Variants in BTRC observed in about 807,000 individuals in gnomAD.
BTRC encodes the protein beta-transducin repeat containing E3 ubiquitin protein ligase, also known as F-box/WD repeat-containing protein 1A.
In BTRC, 42 loss-of-function variants were observed where a neutral mutation model predicts 85.5. The observed-to-expected ratio is 0.49, with a 90% CI of 0.38 to 0.64. The LOEUF is 0.64. BTRC is among the 30% of genes least tolerant of loss of function. The pLI, the probability that BTRC is intolerant of heterozygous loss-of-function variation, is 0.00. For synonymous variants in BTRC, 255 were observed against 263.3 expected (o/e 0.97, Z 0.30); for missense variants, 594 against 743.5 (o/e 0.80, Z 2.34).
At chr10:101,448,329 A>C (rs1213815693) in intron 2 of BTRC, among the ~76,000 whole-genome samples, 1 of 152,140 alleles carries the variant, frequency 6.6e-6, no homozygotes, top group Non-Finnish European at 1.5e-5. Context: ...AACAACAACA[A>C]AAACTCAACA....
intron 5 of BTRC, among the ~76,000 whole-genome samples, chr10:101,524,215 A>T (rs749068098): frequency 6.6e-6 from 1 of 152,222 alleles, no homozygotes; most frequent in African/African-American, 2.4e-5. Flanking sequence ...TTTGTTAAAC[A>T]GAATAGATTT....
intron 13 of BTRC, among the ~76,000 whole-genome samples, chr10:101,549,713 C>CAAAGAAAAAAAA (rs2062618247): frequency 2.3e-5 from 1 of 42,770 alleles, no homozygotes; most frequent in Admixed American, 3.8e-4. Context: ...GACTCTGTCT[C>CAAAGAAAAAAAA]AAAAAAAAAA....
chr10:101,450,951 A>G (rs1944941994), intron 2 of BTRC, among the ~76,000 whole-genome samples: 1 of 152,110 alleles, frequency 6.6e-6, no homozygotes, highest in Non-Finnish European at 1.5e-5. Context: ...TTAATTATGA[A>G]CTTTCATTTT....
chr10:101,400,716 C>T (rs1042269204), intron 1 of BTRC, among the ~76,000 whole-genome samples: 1 of 152,202 alleles, frequency 6.6e-6, no homozygotes, highest in Non-Finnish European at 1.5e-5. Flanking sequence ...TGATACCAGC[C>T]TCTGTTGAGT....
intron 2 of BTRC, among the ~76,000 whole-genome samples, 156 bp downstream of exon 2, chr10:101,430,608 G>C (rs142299752): frequency 3.7e-4 from 56 of 152,164 alleles, no homozygotes; most frequent in African/African-American, 1.3e-3. Flanking sequence ...TTAATGATTA[G>C]TTTATAATGT....
intron 2 of BTRC, among the ~76,000 whole-genome samples, chr10:101,447,268 G>A (rs1023240892): frequency 2.6e-5 from 4 of 152,172 alleles, no homozygotes; most frequent in Non-Finnish European, 5.9e-5. Context: ...CCACAAGTCA[G>A]TGCTCTCAGA....
Position 101,489,430 on chromosome 10 carries a change from G to T in BTRC, c.324+9973G>T, listed in dbSNP as rs1192796589. Among the ~76,000 whole-genome samples, 3 of 152,000 alleles carry T rather than the reference G, an allele frequency of 2.0e-5. No homozygotes were observed. The East Asian group carries it at 5.8e-4, about 29-fold the overall frequency. On this transcript the variant is annotated intron_variant, in intron 4 of 14. Coordinates refer to ENST00000370187, the MANE Select transcript of BTRC (RefSeq NM_033637.4). ...CTTAATACTTGTATGGATTTTTGTG[G>T]CTTTTTATGGGTGTAAATATTCTCC... is the stretch of plus-strand genomic sequence containing the variant.
At chr10:101,436,625 A>G (rs949413854) in intron 2 of BTRC, among the ~76,000 whole-genome samples, 7 of 147,084 alleles carry the variant, frequency 4.8e-5, no homozygotes, top group South Asian at 2.2e-4. Flanking sequence ...AATTAAAAAA[A>G]ATAGATAGAT....
chr10:101,545,156 C>G (rs1419872117), intron 13 of BTRC, among the ~76,000 whole-genome samples: 1 of 152,012 alleles, frequency 6.6e-6, no homozygotes. Context: ...TTGGAAGTCA[C>G]TCATCTCCAT....
intron 1 of BTRC, 44 bp from the exon 2 acceptor site, chr10:101,430,301 C>G (rs1208135158): frequency 7.3e-7 from 1 of 1,376,442 alleles, no homozygotes; most frequent in Admixed American, 1.8e-5. Context: ...TCTGTGCCAT[C>G]CTGTCTCATA....
intron 1 of BTRC, among the ~76,000 whole-genome samples, chr10:101,387,890 A>G (rs953013382): frequency 2.0e-5 from 3 of 151,910 alleles, no homozygotes; most frequent in African/African-American, 7.3e-5. Flanking sequence ...GGGCTTTGCC[A>G]TGTTGGTCAG....
At chr10:101,414,112 A>G (rs952343701) in intron 1 of BTRC, among the ~76,000 whole-genome samples, 1 of 152,160 alleles carries the variant, frequency 6.6e-6, no homozygotes, top group African/African-American at 2.4e-5. Context: ...ATACTCATTA[A>G]ATAACAACTC....
chr10:101,492,706 G>A (rs902087749), intron 4 of BTRC, among the ~76,000 whole-genome samples: 1 of 152,156 alleles, frequency 6.6e-6, no homozygotes, highest in Non-Finnish European at 1.5e-5. Context: ...TTTCTGAAAT[G>A]TATTGAATTC....
chr10:101,536,865 C>T (rs2062395024), intron 12 of BTRC, among the ~76,000 whole-genome samples: 1 of 152,128 alleles, frequency 6.6e-6, no homozygotes, highest in South Asian at 2.1e-4. Flanking sequence ...TACTTGTTTG[C>T]ACATGGTTGT....
rs1331387470 is a variant in BTRC, at chr10:101,419,014, C to CT, written c.49-11317dup. 3.3e-3 allele frequency among the ~76,000 whole-genome samples: 468 copies of CT among 142,812 alleles called. 2 individuals carry two copies. Among genetic ancestry groups the CT allele is most frequent in the East Asian group, 0.021 (102 of 4,942 alleles). The allele number at this position is 142,812 out of a possible 152,430, so 93.7% of individuals were successfully genotyped here. ...CACAGTTTCTTTTCTTTCTTTCTTT[C>CT]TTTTTTTTTTTTTTGATACAGAGTC... is the stretch of plus-strand genomic sequence containing the variant. On this transcript the variant is annotated intron_variant, in intron 1 of 14. Transcript: ENST00000370187.
intron 4 of BTRC, among the ~76,000 whole-genome samples, chr10:101,498,132 C>T (rs1012685099): frequency 5.9e-5 from 9 of 152,002 alleles, no homozygotes; most frequent in Non-Finnish European, 1.3e-4. Context: ...CTGATTTTGC[C>T]CAGAGCCTTT....
At chr10:101,532,466 G>A in intron 8 of BTRC, 34 bp downstream of exon 8, 1 of 1,568,156 alleles carries the variant, frequency 6.4e-7, no homozygotes, top group Non-Finnish European at 8.6e-7. Context: ...AGGTAGCAGA[G>A]GGAGCAAGAG....
intron 4 of BTRC, among the ~76,000 whole-genome samples, chr10:101,495,066 T>C (rs1946225903): frequency 6.6e-6 from 1 of 152,206 alleles, no homozygotes; most frequent in African/African-American, 2.4e-5. Flanking sequence ...GTTAAGTGTT[T>C]ACAGCCAAAA....
At chr10:101,526,543 G>T (rs1241581739) in intron 6 of BTRC, among the ~76,000 whole-genome samples, 1 of 152,214 alleles carries the variant, frequency 6.6e-6, no homozygotes, top group African/African-American at 2.4e-5. Context: ...ACTTTCGGAG[G>T]CCAAGGTGGG....
Sources: allele counts gnomAD v4.1 joint callset (sites outside exome capture counted in the v4.1 genomes callset), GRCh38; gene constraint gnomAD v4.1.1; transcripts MANE v1.5; gene names NCBI Gene and HGNC (gene_info 2026-07-23, HGNC 2026-07-21).